COX10: variants seen among roughly 807,000 people sequenced by gnomAD.
The protein encoded by COX10 is cytochrome c oxidase assembly factor heme A:farnesyltransferase COX10.
In COX10, 27 loss-of-function variants were observed where a neutral mutation model predicts 37.3. The ratio of observed to expected loss-of-function variants is 0.72; its 90% CI spans 0.53 to 1.00. The LOEUF is 1.00. Ranked by LOEUF, COX10 falls within the 50% of genes least tolerant of loss-of-function variation. The pLI, the probability that COX10 is intolerant of heterozygous loss-of-function variation, is 0.00. For missense variants in COX10, 475 were observed against 563.2 expected (o/e 0.84, Z 1.59); for synonymous variants, 222 against 229.1 (o/e 0.97, Z 0.28).
At chr17:14,149,003 CATAT>C (rs370192832) in intron 4 of COX10, among the ~76,000 whole-genome samples, 1 of 147,608 alleles carries the variant, frequency 6.8e-6, no homozygotes, top group African/African-American at 2.5e-5. Context: ...TAGTCTATAA[CATAT>C]ATAACAATAT....
chr17:14,104,032 G>A (rs1278629066), intron 4 of COX10, among the ~76,000 whole-genome samples: 1 of 152,018 alleles, frequency 6.6e-6, no homozygotes, highest in Admixed American at 6.6e-5. Flanking sequence ...TCTTCCGCTG[G>A]AACTCCGTGT....
intron 5 of COX10, among the ~76,000 whole-genome samples, chr17:14,164,455 G>A (rs1905235151): frequency 6.6e-6 from 1 of 152,132 alleles, no homozygotes; most frequent in African/African-American, 2.4e-5. Context: ...GTTCTATCAT[G>A]TTTTTGTATG....
intron 5 of COX10, among the ~76,000 whole-genome samples, chr17:14,175,673 T>C (rs1485413844): frequency 1.3e-5 from 2 of 151,924 alleles, no homozygotes; most frequent in East Asian, 3.9e-4. Context: ...CTTTAGCCAG[T>C]GAACAGTTGA....
At chr17:14,125,185 G>A (rs958868562) in intron 4 of COX10, among the ~76,000 whole-genome samples, 3 of 152,118 alleles carry the variant, frequency 2.0e-5, no homozygotes, top group South Asian at 2.1e-4. Flanking sequence ...TAGTTGAAAC[G>A]TTTCATGGAG....
At chr17:14,091,939 C>G (rs964966231) in intron 3 of COX10, among the ~76,000 whole-genome samples, 1 of 152,030 alleles carries the variant, frequency 6.6e-6, no homozygotes, top group African/African-American at 2.4e-5. Flanking sequence ...GTTTCTGCTT[C>G]TTAAAAGTTT....
intron 4 of COX10, among the ~76,000 whole-genome samples, chr17:14,119,448 C>T (rs985416484): frequency 2.0e-5 from 3 of 152,102 alleles, no homozygotes; most frequent in African/African-American, 7.2e-5. Flanking sequence ...AAACCTGCCA[C>T]GATCTTTGCT....
intron 4 of COX10, among the ~76,000 whole-genome samples, chr17:14,147,268 T>G (rs1904748462): frequency 6.6e-6 from 1 of 152,100 alleles, no homozygotes; most frequent in East Asian, 1.9e-4. Flanking sequence ...AGCAGATAAA[T>G]GGATAAAGAA....
rs2260391 is a variant in COX10 at position 14,175,652 on chromosome 17, A to G, written c.695+15705A>G. On this transcript the variant is annotated intron_variant, in intron 5 of 6. Coordinates refer to ENST00000261643, the MANE Select transcript of COX10 (RefSeq NM_001303.4). ...CCCTGCCTTCATTCCAGTCCGGTGG[A>G]GAAGGTAGAACTTTAGCCAGTGAAC... is the stretch of plus-strand genomic sequence containing the variant. Among the ~76,000 whole-genome samples, 193 of 151,398 alleles carry G rather than the reference A, an allele frequency of 1.3e-3. 2 individuals are homozygous for G. Among genetic ancestry groups the G allele is most frequent in the African/African-American group, 3.8e-3 (156 of 40,842 alleles).
At chr17:14,192,911 T>G (rs575879109) in intron 6 of COX10, among the ~76,000 whole-genome samples, 52 of 152,160 alleles carry the variant, frequency 3.4e-4, no homozygotes, top group African/African-American at 1.2e-3. Context: ...GTACATATTT[T>G]TCACATGAGA....
intron 4 of COX10, among the ~76,000 whole-genome samples, chr17:14,119,794 G>A (rs1046101398): frequency 2.2e-4 from 33 of 152,172 alleles, no homozygotes; most frequent in Non-Finnish European, 4.4e-4. Flanking sequence ...AGATGAGGGT[G>A]TAGCTCAGAC....
intron 3 of COX10, among the ~76,000 whole-genome samples, chr17:14,096,028 T>C (rs1915642618): frequency 6.6e-6 from 1 of 152,194 alleles, no homozygotes; most frequent in African/African-American, 2.4e-5. Flanking sequence ...GGGCCGCCTC[T>C]GGTGAGGGTC....
intron 6 of COX10, among the ~76,000 whole-genome samples, chr17:14,198,127 TG>T (rs1291328116): frequency 1.1e-4 from 16 of 152,254 alleles, no homozygotes; most frequent in Admixed American, 5.9e-4. Flanking sequence ...CTGCCGCACT[TG>T]GTTTGATTCT....
intron 5 of COX10, among the ~76,000 whole-genome samples, chr17:14,175,353 C>T (rs1393751433): frequency 4.0e-4 from 60 of 151,720 alleles, no homozygotes; most frequent in African/African-American, 8.4e-4. Flanking sequence ...TGGGGTCCGA[C>T]TGCCTGGAAT....
intron 6 of COX10, among the ~76,000 whole-genome samples, chr17:14,199,773 AGTCTATT>A (rs1183627905): frequency 6.6e-6 from 1 of 152,222 alleles, no homozygotes; most frequent in African/African-American, 2.4e-5. Flanking sequence ...GCACCATAGA[AGTCTATT>A]GCACTGTTGA....
intron 3 of COX10, among the ~76,000 whole-genome samples, chr17:14,096,053 G>T (rs116093069): frequency 3.6e-4 from 55 of 152,194 alleles, no homozygotes; most frequent in African/African-American, 1.3e-3. Context: ...TGACAGTGAG[G>T]ACTCTGTAGA....
chr17:14,169,155 C>T (rs991980246), intron 5 of COX10, among the ~76,000 whole-genome samples: 1 of 152,166 alleles, frequency 6.6e-6, no homozygotes, highest in African/African-American at 2.4e-5. Flanking sequence ...GCCAGATATC[C>T]TAAATCATCT....
At chr17:14,077,332 C>G in intron 3 of COX10, 1 of 409,756 alleles carries the variant, frequency 2.4e-6, no homozygotes, top group Non-Finnish European at 4.4e-6. Context: ...ATTTCCTTGT[C>G]TTTAGTGTTT....
At chr17:14,140,305 A>G (rs556298086) in intron 4 of COX10, among the ~76,000 whole-genome samples, 1 of 152,274 alleles carries the variant, frequency 6.6e-6, no homozygotes, top group Admixed American at 6.5e-5. Flanking sequence ...TGTAAATTAT[A>G]TTAGTATTTT....
At chr17:14,175,988 G>A (rs1302017479) in intron 5 of COX10, among the ~76,000 whole-genome samples, 7 of 152,258 alleles carry the variant, frequency 4.6e-5, no homozygotes, top group African/African-American at 7.2e-5. Context: ...AGCCAGAAAT[G>A]AGTTGTACAA....
Sources: gnomAD v4.1 joint callset for allele counts (sites outside exome capture counted in the v4.1 genomes callset) on GRCh38, gnomAD v4.1.1 for gene constraint, MANE v1.5 for transcripts, NCBI Gene and HGNC (gene_info 2026-07-23, HGNC 2026-07-21) for gene names.